Variants in GTPBP10 observed in about 807,000 individuals in gnomAD.
The protein encoded by GTPBP10 is GTP-binding protein 10.
A neutral mutation model predicts 44.8 loss-of-function variants in GTPBP10; 38 were observed. That is an observed-to-expected ratio of 0.85 (90% CI 0.65 to 1.11). GTPBP10 has a LOEUF of 1.11. GTPBP10 is among the 50% of genes most tolerant of loss of function. GTPBP10 has a pLI of 0.00. For missense variants in GTPBP10, 462 were observed against 453.7 expected, an observed-to-expected ratio of 1.02 and a Z score of -0.17; for synonymous variants, 152 against 150.6, an observed-to-expected ratio of 1.01 and a Z score of -0.07.
At chr7:90,382,850 C>A in intron 8 of GTPBP10, 106 bp from the exon 9 acceptor site, 1 of 624,636 alleles carries the variant, frequency 1.6e-6, no homozygotes, top group Non-Finnish European at 2.6e-6. Context: ...TATTGCATTT[C>A]GGTGATGTGA....
chr7:90,368,519 C>T lies in GTPBP10; in HGVS notation c.465-3636C>T, dbSNP rs187062691. On this transcript the variant is annotated intron_variant, in intron 4 of 9. Transcript: ENST00000222511. ...TTTTTTTCCTCTAATTTTGTCTTCT[C>T]GCTTTATTTCATTAATTTAATCTTC... Among the ~76,000 whole-genome samples, 65 of 152,148 alleles carry T rather than the reference C, an allele frequency of 4.3e-4. No individual in the cohort carries two copies. The East Asian group carries it at 0.012, about 27-fold the overall frequency.
At position 90,356,275 on chromosome 7, in the gene GTPBP10, A is replaced by G. The variant is rs546499351; in HGVS notation, c.464+1045A>G. ...CCTGCTAAAATTATAACAAGGAAAG[A>G]TGTGATCCTGGCTTGCCATTTACAT... On this transcript the variant is annotated intron_variant, in intron 4 of 9. Transcript: ENST00000222511. Among the ~76,000 whole-genome samples, 3 of 152,294 alleles carry G rather than the reference A, an allele frequency of 2.0e-5. No homozygotes were observed. In the South Asian group the frequency reaches 6.2e-4, roughly 32 times the overall value.
At chr7:90,360,054 A>G (rs780877619) in intron 4 of GTPBP10, among the ~76,000 whole-genome samples, 3 of 152,102 alleles carry the variant, frequency 2.0e-5, no homozygotes, top group Non-Finnish European at 2.9e-5. Flanking sequence ...TTATCAGATG[A>G]GTAGATTGCA....
Position 90,377,518 on chromosome 7 carries a change from T to C in GTPBP10, c.603T>C (p.Ala201=). The C allele has an allele frequency of 6.2e-7, 1 of 1,605,260 alleles. No individual in the cohort carries two copies. The highest frequency in any genetic ancestry group is 8.5e-7 in the Non-Finnish European group (1 of 1,175,604). ...MYSDFKQISV[A]DLPGLIEGAH... ...TAACTTTGTATTAGATATCAGTAGC[T>C]GATCTTCCGGGTTTAATAGAAGGAG... Residue 201 remains alanine (A), a synonymous_variant, in exon 7 of 10, where the codon GCT becomes GCC. Coordinates refer to ENST00000222511, the MANE Select transcript of GTPBP10 (RefSeq NM_033107.4).
chr7:90,380,321 C>T (rs558488917), intron 8 of GTPBP10, among the ~76,000 whole-genome samples: 27 of 152,160 alleles, frequency 1.8e-4, no homozygotes, highest in African/African-American at 4.6e-4. Flanking sequence ...TCAGGTGATC[C>T]GCCCACCTGG....
intron 8 of GTPBP10, among the ~76,000 whole-genome samples, chr7:90,381,099 T>C (rs908861350): frequency 2.6e-5 from 4 of 152,228 alleles, no homozygotes; most frequent in Non-Finnish European, 1.5e-5. Context: ...AAAATGGGAA[T>C]GCAGAGATCT....
At chr7:90,356,291 C>T (rs1795899716) in intron 4 of GTPBP10, among the ~76,000 whole-genome samples, 1 of 152,142 alleles carries the variant, frequency 6.6e-6, no homozygotes, top group Admixed American at 6.5e-5. Flanking sequence ...TCCTGGCTTG[C>T]CATTTACATT....
Position 90,378,193 on chromosome 7 carries a change from C to A in GTPBP10, c.759C>A (p.Thr253=). The A allele has an allele frequency of 6.2e-7, 1 of 1,612,514 alleles. No individual in the cohort carries two copies. The highest frequency in any genetic ancestry group is 8.5e-7 in the Non-Finnish European group (1 of 1,179,188). ...SHTQYRTAFE[T]IILLTKELEL... ...CTCAATACAGGACAGCTTTTGAAAC[C>A]ATAATACTGCTTACAAAAGTAGGTT... The change falls in exon 8 of 10, where the codon ACC becomes ACA. Residue 253 remains threonine, a synonymous_variant. Coordinates refer to ENST00000222511, the MANE Select transcript of GTPBP10 (RefSeq NM_033107.4).
intron 8 of GTPBP10, among the ~76,000 whole-genome samples, chr7:90,379,268 T>C (rs369261506): frequency 2.6e-5 from 4 of 152,174 alleles, no homozygotes; most frequent in African/African-American, 9.6e-5. Flanking sequence ...TATTGGAATA[T>C]TGAATCTGGT....
chr7:90,378,367 C>A, intron 8 of GTPBP10, 156 bp downstream of exon 8: 1 of 628,504 alleles, frequency 1.6e-6, no homozygotes, highest in Non-Finnish European at 2.0e-6. Context: ...ATTTCCTCTA[C>A]ATTCATTTGC....
At chr7:90,353,078 A>T in intron 2 of GTPBP10, 69 bp downstream of exon 2, 1 of 1,013,096 alleles carries the variant, frequency 9.9e-7, no homozygotes, top group Non-Finnish European at 1.4e-6. Context: ...TTTTAGTTAC[A>T]AAATAAAAAC....
Position 90,354,443 on chromosome 7 carries a change from CT to C in GTPBP10, c.228-6del, listed in dbSNP as rs749904203. The C allele has an allele frequency of 1.2e-3, 1,621 of 1,357,046 alleles. No individual in the cohort carries two copies. The highest frequency in any genetic ancestry group is 1.5e-3 in the South Asian group (119 of 77,236). 84.1% of individuals were successfully genotyped at this position (1,357,046 alleles called of 1,614,324 possible). A position where few individuals can be genotyped will look rare whatever the true frequency, so the allele number is the denominator to read the frequency against. ...ACACACACATACATACATATATATA[CT>C]TTTTTTTTGGTAGAATTAGTGCACT... On this transcript the variant is annotated splice_polypyrimidine_tract_variant and intron_variant, in intron 2 of 9. Transcript: ENST00000222511.
intron 4 of GTPBP10, among the ~76,000 whole-genome samples, chr7:90,370,678 C>G (rs541252551): frequency 1.3e-5 from 2 of 152,232 alleles, no homozygotes; most frequent in African/African-American, 4.8e-5. Flanking sequence ...ACAAAAAAAT[C>G]ACTTGTACCC....
At chr7:90,365,321 GTTGCTTATCA>G (rs897385622) in intron 4 of GTPBP10, among the ~76,000 whole-genome samples, 5 of 148,354 alleles carry the variant, frequency 3.4e-5, no homozygotes, top group Non-Finnish European at 5.9e-5. Flanking sequence ...CTTTGCTGAA[GTTGCTTATCA>G]GCTTAAGGAG....
chr7:90,349,761 G>T (rs1795751599), intron 1 of GTPBP10, among the ~76,000 whole-genome samples: 2 of 152,034 alleles, frequency 1.3e-5, no homozygotes, highest in Admixed American at 6.6e-5. Flanking sequence ...CCAGAATAGG[G>T]TACTTTCATC....
rs1248313029 is a variant in GTPBP10, at chr7:90,352,832, A to G, written c.50A>G (p.Asp17Gly). The change falls in exon 2 of 10, where the codon GAT becomes GGT. Residue 17 changes from aspartate to glycine, a missense_variant. By Grantham distance (94) the Asp-to-Gly change is moderately conservative. Transcript: ENST00000222511. The stretch of plus-strand genomic sequence containing the variant: ...TTTTTTAAGTATGGAAATTTCATCG[A>G]TAAGCTAAGACTCTTCACCAGGGGA... ...VLFRKYGNFIDKLRLFTRGGS... is the reference protein window; with the variant it reads ...VLFRKYGNFIGKLRLFTRGGS... 4 of 1,588,274 alleles carry G rather than the reference A, an allele frequency of 2.5e-6. No individual in the cohort carries two copies. The highest frequency in any genetic ancestry group is 1.9e-5 in the Admixed American group (1 of 52,450).
At chr7:90,366,656 G>T in intron 4 of GTPBP10, among the ~76,000 whole-genome samples, 1 of 149,890 alleles carries the variant, frequency 6.7e-6, no homozygotes. Context: ...GCGTCTATTT[G>T]ATTCTTCCCT....
chr7:90,375,431 C>T (rs1450716920), intron 6 of GTPBP10, among the ~76,000 whole-genome samples: 2 of 151,514 alleles, frequency 1.3e-5, no homozygotes, highest in African/African-American at 4.9e-5. Context: ...ACTTTGGGTG[C>T]TAACGATGCA....
In GTPBP10 at chr7:90,386,519, T is replaced by C. The variant is rs1445207227; in HGVS notation, c.*1365T>C. On this transcript the variant is annotated 3_prime_UTR_variant, in exon 10 of 10. Transcript: ENST00000222511. ...TATTTAATTTCCCACTTTCTTATTT[T>C]AGTAAAGAGAGAATAAATAGCAAGT... 6.6e-6 allele frequency: 1 copy of C among 152,058 alleles called. No individual in the cohort carries two copies. Among genetic ancestry groups the C allele is most frequent in the African/African-American group, 2.4e-5 (1 of 41,396 alleles). 9.4% of individuals were successfully genotyped at this position (152,058 alleles called of 1,614,324 possible).
Sources: allele counts gnomAD v4.1 joint callset (sites outside exome capture counted in the v4.1 genomes callset), GRCh38; gene constraint gnomAD v4.1.1; transcripts MANE v1.5; gene names NCBI Gene and HGNC (gene_info 2026-07-23, HGNC 2026-07-21).